Variants in SRSF12 observed in about 807,000 individuals in gnomAD.
The protein encoded by SRSF12 is serine/arginine-rich splicing factor 12.
In SRSF12, 21 loss-of-function variants were observed where a neutral mutation model predicts 34.1. The ratio of observed to expected loss-of-function variants is 0.62; its 90% CI spans 0.44 to 0.89. SRSF12 has a LOEUF of 0.89. Ranked by LOEUF, SRSF12 falls within the 40% of genes least tolerant of loss-of-function variation. SRSF12 has a pLI of 0.00. For synonymous variants in SRSF12, 111 were observed against 110.8 expected (o/e 1.00, Z -0.01); for missense variants, 278 against 327.8 (o/e 0.85, Z 1.17).
intron 1 of SRSF12, among the ~76,000 whole-genome samples, chr6:89,112,102 G>T (rs939926637): frequency 5.9e-5 from 9 of 151,376 alleles, no homozygotes; most frequent in Non-Finnish European, 1.2e-4. Flanking sequence ...CCTCCTCCCC[G>T]GTTCAAGAGA....
In SRSF12 at chr6:89,112,863, T is replaced by A. The variant is rs554487291; in HGVS notation, c.65+4960A>T. Among the ~76,000 whole-genome samples, 12 of 152,304 alleles carry A rather than the reference T, an allele frequency of 7.9e-5. No homozygotes were observed. In the South Asian group the frequency reaches 2.5e-3, roughly 32 times the overall value. The stretch of plus-strand genomic sequence containing the variant: ...AGCTGTCCTAGACAGGTGTACCTTT[T>A]AAAAAATCTTTTACACCATATTTTT... On this transcript the variant is annotated intron_variant, in intron 1 of 4. Coordinates refer to ENST00000452027, the MANE Select transcript of SRSF12 (RefSeq NM_080743.5).
At position 89,102,831 on chromosome 6, in the gene SRSF12, A is replaced by G. The variant is rs374960057; in HGVS notation, c.416+2288T>C. On this transcript the variant is annotated intron_variant, in intron 4 of 4. Coordinates refer to ENST00000452027, the MANE Select transcript of SRSF12 (RefSeq NM_080743.5). Reference sequence around the variant, plus strand: ...CAGTGGTGCAATCATGGCTCACTGCAGCCTTGACCTACTGGGCTCAAGGAG... The same window carrying G: ...CAGTGGTGCAATCATGGCTCACTGCGGCCTTGACCTACTGGGCTCAAGGAG... 2.0e-5 allele frequency among the ~76,000 whole-genome samples: 3 copies of G among 152,174 alleles called. No individual in the cohort carries two copies. The East Asian group carries it at 5.8e-4, about 29-fold the overall frequency.
At chr6:89,098,996 A>C (rs1768385929) in intron 4 of SRSF12, 49 bp from the exon 5 acceptor site, 1 of 1,532,152 alleles carries the variant, frequency 6.5e-7, no homozygotes, top group African/African-American at 1.4e-5. Flanking sequence ...AAAATAAGAG[A>C]TCAGGAAATA....
chr6:89,107,389 G>T (rs1582265098), intron 1 of SRSF12, 131 bp from the exon 2 acceptor site: 2 of 668,548 alleles, frequency 3.0e-6, no homozygotes, highest in East Asian at 2.8e-5. Flanking sequence ...ATTGTTTTTT[G>T]TAAGAATCAT....
intron 1 of SRSF12, among the ~76,000 whole-genome samples, chr6:89,115,032 G>A (rs568602177): frequency 6.6e-5 from 10 of 152,118 alleles, no homozygotes; most frequent in African/African-American, 1.7e-4. Context: ...TCCTAATTTC[G>A]TGATCTGCCC....
At chr6:89,100,847 C>A (rs1768506661) in intron 4 of SRSF12, among the ~76,000 whole-genome samples, 1 of 152,062 alleles carries the variant, frequency 6.6e-6, no homozygotes, top group Non-Finnish European at 1.5e-5. Context: ...GTGGCTCATG[C>A]CTGTAATCCC....
At chr6:89,109,606 G>A (rs1011330584) in intron 1 of SRSF12, among the ~76,000 whole-genome samples, 1 of 152,224 alleles carries the variant, frequency 6.6e-6, no homozygotes, top group Non-Finnish European at 1.5e-5. Context: ...GTGTGCCACA[G>A]AGGTCTGGAG....
intron 4 of SRSF12, among the ~76,000 whole-genome samples, chr6:89,104,221 A>G: frequency 1.1e-5 from 1 of 88,694 alleles, no homozygotes; most frequent in Admixed American, 1.3e-4. Context: ...AAAACTCATC[A>G]CCTTTTTTTT....
In SRSF12 at chr6:89,097,143, T is replaced by C. The variant is rs924849609; in HGVS notation, c.*1435A>G. On this transcript the variant is annotated 3_prime_UTR_variant, in exon 5 of 5. Coordinates refer to ENST00000452027, the MANE Select transcript of SRSF12 (RefSeq NM_080743.5). ...AACTGGAATTTGTATTCAAAACAAA[T>C]AGAAGCAACACTGGCTCCTATATAC... The C allele has an allele frequency of 6.6e-6, 1 of 152,166 alleles. No homozygotes were observed. Among genetic ancestry groups the C allele is most frequent in the African/African-American group, 2.4e-5 (1 of 41,454 alleles). The allele number at this position is 152,166 out of a possible 1,614,324, so 9.4% of individuals were successfully genotyped here.
chr6:89,111,996 CAT>C (rs1769072334), intron 1 of SRSF12, among the ~76,000 whole-genome samples: 1 of 152,124 alleles, frequency 6.6e-6, no homozygotes, highest in Non-Finnish European at 1.5e-5. Context: ...TGAAAAGAAA[CAT>C]AACACAAATT....
Position 89,105,200 on chromosome 6 carries a change from G to A in SRSF12, c.335C>T (p.Ser112Leu), listed in dbSNP as rs1768730544. 1 of 1,612,044 alleles carries A rather than the reference G, an allele frequency of 6.2e-7. No individual in the cohort carries two copies. Residue 112 changes from serine to leucine, a missense_variant, in exon 4 of 5, where the codon TCA (serine) becomes TTA (leucine). Ser to Leu is a moderately radical substitution (Grantham distance 145). Coordinates refer to ENST00000452027, the MANE Select transcript of SRSF12 (RefSeq NM_080743.5). ...HPCSPSDHRR[S>L]RSPSQRRTRS... ...AGTTCTTCTTTGGCTGGGGCTTCTTGATCTCCTGTGATCACTTGGAGAACA... is the reference window on the plus strand; with the variant it reads ...AGTTCTTCTTTGGCTGGGGCTTCTTAATCTCCTGTGATCACTTGGAGAACA...
At chr6:89,116,762 C>T (rs553854246) in intron 1 of SRSF12, among the ~76,000 whole-genome samples, 3 of 141,612 alleles carry the variant, frequency 2.1e-5, no homozygotes, top group African/African-American at 7.9e-5. Flanking sequence ...GGGACAAGAG[C>T]GAGACTTTGT....
chr6:89,099,413 T>TGTGTATATATATACAC (rs1562191773), intron 4 of SRSF12, among the ~76,000 whole-genome samples: 4 of 140,032 alleles, frequency 2.9e-5, no homozygotes, highest in African/African-American at 1.1e-4. Context: ...CATATATATA[T>TGTGTATATATATACAC]ACATATATAT....
intron 4 of SRSF12, among the ~76,000 whole-genome samples, 160 bp downstream of exon 4, chr6:89,104,959 G>A (rs1284645591): frequency 1.3e-5 from 2 of 152,062 alleles, no homozygotes. Flanking sequence ...GGGAGGCTGA[G>A]GTGAGAAAAT....
intron 1 of SRSF12, among the ~76,000 whole-genome samples, chr6:89,115,772 G>A (rs531740792): frequency 1.2e-3 from 178 of 150,512 alleles, no homozygotes; most frequent in Non-Finnish European, 2.0e-3. Context: ...GAGCAGCTGG[G>A]ACTACAGGCA....
At chr6:89,099,690 C>T (rs892591273) in intron 4 of SRSF12, among the ~76,000 whole-genome samples, 1 of 151,948 alleles carries the variant, frequency 6.6e-6, no homozygotes, top group African/African-American at 2.4e-5. Flanking sequence ...CATGCGCCAC[C>T]ACGCCCAGCT....
chr6:89,111,799 T>C (rs1360247360), intron 1 of SRSF12, among the ~76,000 whole-genome samples: 1 of 152,204 alleles, frequency 6.6e-6, no homozygotes, highest in Non-Finnish European at 1.5e-5. Context: ...TAAGAAGTTC[T>C]CTTCTATTCC....
intron 4 of SRSF12, 26 bp downstream of exon 4, chr6:89,105,093 G>A (rs750823666): frequency 5.8e-6 from 9 of 1,550,910 alleles, no homozygotes; most frequent in Middle Eastern, 1.7e-4. Context: ...AGTAGAAAAT[G>A]AAATTTTCAG....
intron 1 of SRSF12, among the ~76,000 whole-genome samples, chr6:89,115,993 C>G (rs922827216): frequency 6.6e-5 from 10 of 152,184 alleles, no homozygotes; most frequent in African/African-American, 2.4e-4. Flanking sequence ...ATTACACATA[C>G]AAAATCCAGA....
Sources: gnomAD v4.1 joint callset for allele counts (sites outside exome capture counted in the v4.1 genomes callset) on GRCh38, gnomAD v4.1.1 for gene constraint, MANE v1.5 for transcripts, NCBI Gene and HGNC (gene_info 2026-07-23, HGNC 2026-07-21) for gene names.